The following PTPRD variants were observed in gnomAD, a reference collection of about 807,000 sequenced individuals.
The protein encoded by PTPRD is receptor-type tyrosine-protein phosphatase delta.
Under a neutral mutation model 214.5 loss-of-function variants are expected in PTPRD, and 34 were observed. That is an observed-to-expected ratio of 0.16 (90% CI 0.12 to 0.21). The LOEUF (loss-of-function observed/expected upper bound fraction) is 0.21, where lower values mean the gene tolerates loss of function less well. Ranked by LOEUF, PTPRD falls within the 10% of genes least tolerant of loss-of-function variation. The pLI is 1.00. For synonymous variants in PTPRD, 1,128 were observed against 845.7 expected (o/e 1.33, Z -5.79); for missense variants, 2,545 against 2,398.7 (o/e 1.06, Z -1.27).
chr9:9,344,337 G>A (rs766636714), intron 9 of PTPRD, among the ~76,000 whole-genome samples: 1 of 151,988 alleles, frequency 6.6e-6, no homozygotes, highest in Non-Finnish European at 1.5e-5. Flanking sequence ...GGGTTTGGGG[G>A]GAAAGGGGAG....
chr9:8,617,326 T>C (rs529200158), intron 14 of PTPRD, among the ~76,000 whole-genome samples: 1 of 152,242 alleles, frequency 6.6e-6, no homozygotes, highest in South Asian at 2.1e-4. Context: ...ACCCATATTA[T>C]GATCTGAGAG....
chr9:9,277,805 T>G (rs544378057), intron 9 of PTPRD, among the ~76,000 whole-genome samples: 1 of 151,474 alleles, frequency 6.6e-6, no homozygotes, highest in East Asian at 2.0e-4. Flanking sequence ...CATTGTGGGC[T>G]CTCAAACTAA....
rs146282963 is a variant in PTPRD, at chr9:10,566,694, T to G, written c.-600+45704A>C. 1.6e-3 allele frequency among the ~76,000 whole-genome samples: 250 copies of G among 152,140 alleles called. 2 individuals are homozygous for G. Among genetic ancestry groups the G allele is most frequent in the African/African-American group, 5.8e-3 (239 of 41,554 alleles). On this transcript the variant is annotated intron_variant, in intron 2 of 45. Coordinates refer to ENST00000381196, the MANE Select transcript of PTPRD (RefSeq NM_002839.4). ...CAGAAGTTCTTAGTTTTAATGCAAC[T>G]GAAGTCAGCTTCTTCTCCTTCATGG...
At chr9:8,882,883 T>TAAAAAAAAAAAAAAA (rs1566813182) in intron 11 of PTPRD, among the ~76,000 whole-genome samples, 2 of 38,496 alleles carry the variant, frequency 5.2e-5, no homozygotes, top group Non-Finnish European at 1.1e-4. Context: ...AGGCTCTGTC[T>TAAAAAAAAAAAAAAA]CAAAAAAAAA....
chr9:9,833,060 C>G (rs1268128984), intron 5 of PTPRD, among the ~76,000 whole-genome samples: 1 of 151,880 alleles, frequency 6.6e-6, no homozygotes, highest in East Asian at 1.9e-4. Context: ...TCTAATAATA[C>G]CTGACAAACA....
At chr9:9,354,180 C>T (rs2052683600) in intron 9 of PTPRD, among the ~76,000 whole-genome samples, 1 of 151,700 alleles carries the variant, frequency 6.6e-6, no homozygotes, top group Admixed American at 6.6e-5. Context: ...GATGGTTCCT[C>T]TTTCTTAAAG....
chr9:10,143,665 T>A (rs2099002929), intron 3 of PTPRD, among the ~76,000 whole-genome samples: 1 of 152,044 alleles, frequency 6.6e-6, no homozygotes, highest in South Asian at 2.1e-4. Context: ...CAGGTGTCCA[T>A]CAACAGTGGG....
chr9:9,555,424 C>T (rs41333948), intron 8 of PTPRD, among the ~76,000 whole-genome samples: 2,065 of 152,086 alleles, frequency 0.014, 41 homozygotes, highest in African/African-American at 0.048. Context: ...GTATAAATAA[C>T]CCTGTAGAGT....
At chr9:10,433,233 T>C (rs113710095) in intron 2 of PTPRD, among the ~76,000 whole-genome samples, 6 of 152,114 alleles carry the variant, frequency 3.9e-5, no homozygotes, top group African/African-American at 1.4e-4. Flanking sequence ...TCTGTAAATA[T>C]AAGTTTATAT....
At chr9:9,519,640 T>C (rs2096918455) in intron 8 of PTPRD, among the ~76,000 whole-genome samples, 1 of 151,828 alleles carries the variant, frequency 6.6e-6, no homozygotes, top group Admixed American at 6.6e-5. Flanking sequence ...AGAATAAGCA[T>C]AACAAAAGGT....
intron 5 of PTPRD, among the ~76,000 whole-genome samples, chr9:9,923,862 G>C (rs1227131758): frequency 1.3e-5 from 2 of 151,834 alleles, no homozygotes; most frequent in African/African-American, 4.8e-5. Flanking sequence ...GTGCGATCTA[G>C]GAACAAGAAG....
intron 2 of PTPRD, among the ~76,000 whole-genome samples, chr9:10,580,046 G>A (rs1033885456): frequency 3.3e-5 from 5 of 152,130 alleles, no homozygotes; most frequent in Non-Finnish European, 7.4e-5. Context: ...CTGAACATTA[G>A]AGGGTTAACT....
chr9:9,532,768 C>T (rs2075758414), intron 8 of PTPRD, among the ~76,000 whole-genome samples: 1 of 152,086 alleles, frequency 6.6e-6, no homozygotes, highest in Admixed American at 6.6e-5. Context: ...AGTCTTCCAT[C>T]CCAGAAGTAC....
At chr9:9,861,372 C>T (rs10119458) in intron 5 of PTPRD, among the ~76,000 whole-genome samples, 16,827 of 152,022 alleles carry the variant, frequency 0.11, 2,232 homozygotes, top group East Asian at 0.69. Context: ...CTCACTGCAA[C>T]CTCCGCCTCC....
chr9:8,514,045 T>C (rs2097735101), intron 21 of PTPRD, among the ~76,000 whole-genome samples: 1 of 152,146 alleles, frequency 6.6e-6, no homozygotes, highest in Admixed American at 6.6e-5. Flanking sequence ...CTGAGTTCTG[T>C]CATTAAATTA....
intron 2 of PTPRD, among the ~76,000 whole-genome samples, chr9:10,401,101 CCTCAGTTAGGTACCTTA>C (rs2098262281): frequency 6.6e-6 from 1 of 151,464 alleles, no homozygotes; most frequent in South Asian, 2.1e-4. Context: ...TAAATTTAAT[CCTCAGTTAGGTACCTTA>C]CTCTACATAC....
At position 9,738,104 on chromosome 9, in the gene PTPRD, A is replaced by C. The variant is rs2761729; in HGVS notation, c.-325-3533T>G. The stretch of plus-strand genomic sequence containing the variant: ...ACATCACACACCGGGGCCTGTTGTG[A>C]GGTGGGGGGATGGGGGAGGGATAGC... On this transcript the variant is annotated intron_variant, in intron 6 of 45. Transcript: ENST00000381196. 1.6e-3 allele frequency among the ~76,000 whole-genome samples: 246 copies of C among 150,990 alleles called. 1 individual carries two copies. Among genetic ancestry groups the C allele is most frequent in the African/African-American group, 5.7e-3 (235 of 41,062 alleles).
intron 3 of PTPRD, among the ~76,000 whole-genome samples, chr9:10,133,487 C>T (rs1044710129): frequency 6.6e-6 from 1 of 151,964 alleles, no homozygotes; most frequent in African/African-American, 2.4e-5. Context: ...AAAGCATATA[C>T]CTGTACGTTA....
intron 5 of PTPRD, among the ~76,000 whole-genome samples, chr9:9,932,898 C>T (rs555166743): frequency 7.5e-6 from 1 of 134,200 alleles, no homozygotes; most frequent in African/African-American, 2.6e-5. Context: ...ACCCTACCAG[C>T]CAGAAAAGAG....
Sources: allele counts gnomAD v4.1 joint callset (sites outside exome capture counted in the v4.1 genomes callset), GRCh38; gene constraint gnomAD v4.1.1; transcripts MANE v1.5; gene names NCBI Gene and HGNC (gene_info 2026-07-23, HGNC 2026-07-21).